The following CRPPA variants were observed in gnomAD, a reference collection of about 807,000 sequenced individuals.
The protein encoded by CRPPA is D-ribitol-5-phosphate cytidylyltransferase.
Under a neutral mutation model 52.0 loss-of-function variants are expected in CRPPA, and 43 were observed. The observed-to-expected ratio is 0.83, with a 90% CI of 0.65 to 1.07. The LOEUF is 1.07. Among genes scored for constraint, CRPPA ranks in the 50% least tolerant of loss-of-function variants. The pLI, the probability that CRPPA is intolerant of heterozygous loss-of-function variation, is 0.00. For synonymous variants in CRPPA, 250 were observed against 203.5 expected, an observed-to-expected ratio of 1.23 and a Z score of -1.94; for missense variants, 629 against 551.7, an observed-to-expected ratio of 1.14 and a Z score of -1.40.
intron 9 of CRPPA, among the ~76,000 whole-genome samples, chr7:16,156,428 T>C (rs1783183325): frequency 6.6e-6 from 1 of 152,158 alleles, no homozygotes; most frequent in African/African-American, 2.4e-5. Context: ...AAAATCTAAA[T>C]AGGCTCCTAG....
intron 5 of CRPPA, among the ~76,000 whole-genome samples, chr7:16,288,932 T>C (rs527495599): frequency 1.3e-5 from 2 of 150,238 alleles, no homozygotes; most frequent in African/African-American, 4.9e-5. Flanking sequence ...TGAAGTTTGG[T>C]TGTAAACCAC....
intron 9 of CRPPA, among the ~76,000 whole-genome samples, chr7:16,215,860 G>C (rs1265255995): frequency 1.3e-5 from 2 of 152,138 alleles, no homozygotes; most frequent in Admixed American, 6.6e-5. Flanking sequence ...TTGCTCATTA[G>C]CATTTCCCCA....
chr7:16,410,452 T>A (rs957374673), intron 1 of CRPPA, among the ~76,000 whole-genome samples: 2 of 152,194 alleles, frequency 1.3e-5, no homozygotes, highest in Non-Finnish European at 2.9e-5. Flanking sequence ...CTCTTAAATG[T>A]GGGATTTCCC....
At chr7:16,419,446 A>G (rs775054013) in intron 1 of CRPPA, among the ~76,000 whole-genome samples, 6 of 152,194 alleles carry the variant, frequency 3.9e-5, no homozygotes, top group Non-Finnish European at 7.3e-5. Flanking sequence ...CCCTTTCCCA[A>G]AAAGACCCCT....
At chr7:16,191,019 CCA>C (rs1188244360) in intron 9 of CRPPA, among the ~76,000 whole-genome samples, 2 of 151,948 alleles carry the variant, frequency 1.3e-5, no homozygotes, top group Non-Finnish European at 2.9e-5. Context: ...TTTTCTTTAC[CCA>C]CTCATTGATT....
At chr7:16,357,014 C>T (rs1012111259) in intron 3 of CRPPA, among the ~76,000 whole-genome samples, 1 of 152,100 alleles carries the variant, frequency 6.6e-6, no homozygotes, top group African/African-American at 2.4e-5. Context: ...ATTTGAACTC[C>T]AAACTGTTTC....
intron 2 of CRPPA, among the ~76,000 whole-genome samples, chr7:16,381,185 G>A (rs1214576472): frequency 6.6e-6 from 1 of 152,144 alleles, no homozygotes; most frequent in Non-Finnish European, 1.5e-5. Context: ...ATTCCGGTAT[G>A]TTGTTTCATT....
intron 8 of CRPPA, among the ~76,000 whole-genome samples, chr7:16,218,279 C>A (rs1388168066): frequency 8.6e-6 from 1 of 115,946 alleles, no homozygotes; most frequent in Non-Finnish European, 1.8e-5. Flanking sequence ...CCTACAAGAG[C>A]TCCTGAAGGA....
At chr7:16,249,845 C>T (rs1431204309) in intron 8 of CRPPA, among the ~76,000 whole-genome samples, 7 of 152,116 alleles carry the variant, frequency 4.6e-5, no homozygotes, top group East Asian at 3.9e-4. Context: ...CACAACTCCT[C>T]GCCAGCAAGG....
At chr7:16,094,176 C>T (rs1781891877) in intron 9 of CRPPA, among the ~76,000 whole-genome samples, 1 of 152,094 alleles carries the variant, frequency 6.6e-6, no homozygotes, top group Non-Finnish European at 1.5e-5. Flanking sequence ...CAATTTTTTA[C>T]AGGCTTCATT....
intron 2 of CRPPA, among the ~76,000 whole-genome samples, chr7:16,389,045 CAATT>C (rs764952354): frequency 6.6e-6 from 1 of 152,082 alleles, no homozygotes; most frequent in Non-Finnish European, 1.5e-5. Context: ...CCTAGAAAGA[CAATT>C]AACCAAAATT....
intron 9 of CRPPA, among the ~76,000 whole-genome samples, chr7:16,154,526 G>A (rs929143673): frequency 5.3e-5 from 8 of 152,162 alleles, no homozygotes; most frequent in Middle Eastern, 3.4e-3. Flanking sequence ...TATATACTCC[G>A]AGTAATAAAA....
intron 9 of CRPPA, among the ~76,000 whole-genome samples, chr7:16,095,307 A>G (rs1236893663): frequency 6.6e-6 from 1 of 152,214 alleles, no homozygotes; most frequent in Non-Finnish European, 1.5e-5. Context: ...GATTGCTGCT[A>G]TTTATATACA....
intron 5 of CRPPA, among the ~76,000 whole-genome samples, chr7:16,294,002 G>T (rs1376373536): frequency 6.6e-6 from 1 of 151,752 alleles, no homozygotes; most frequent in Non-Finnish European, 1.5e-5. Flanking sequence ...ACTATTCCAC[G>T]TGTGTCCATG....
At chr7:16,277,502 A>T (rs1294260199) in intron 6 of CRPPA, 1 of 152,232 alleles carries the variant, frequency 6.6e-6, no homozygotes, top group African/African-American at 2.4e-5. Context: ...TATTTTAATG[A>T]AAACAGAAAT....
At chr7:16,160,042 GT>G (rs1369021152) in intron 9 of CRPPA, among the ~76,000 whole-genome samples, 1 of 151,980 alleles carries the variant, frequency 6.6e-6, no homozygotes, top group East Asian at 1.9e-4. Flanking sequence ...GTAAATTTAA[GT>G]TCTTTGTAGA....
Position 16,347,664 on chromosome 7 carries a change from C to T in CRPPA, c.684+28428G>A, listed in dbSNP as rs77842220. ...CCCTTACATAAAGTCAGACATTAGT[C>T]AAGTCTCCTACCCAATAAGGCAACT... On this transcript the variant is annotated intron_variant, in intron 3 of 9. Coordinates refer to ENST00000407010, the MANE Select transcript of CRPPA (RefSeq NM_001101426.4). 6.8e-3 allele frequency among the ~76,000 whole-genome samples: 1,039 copies of T among 152,166 alleles called. 17 individuals carry two copies. Among genetic ancestry groups the T allele is most frequent in the African/African-American group, 0.024 (1,016 of 41,524 alleles).
chr7:16,186,120 C>CTTAATAATATCTACCTTTAG (rs1781500586), intron 9 of CRPPA, among the ~76,000 whole-genome samples: 1 of 152,120 alleles, frequency 6.6e-6, no homozygotes, highest in South Asian at 2.1e-4. Flanking sequence ...GTAAATTTAT[C>CTTAATAATATCTACCTTTAG]TAGGTAGATA....
intron 9 of CRPPA, among the ~76,000 whole-genome samples, chr7:16,100,187 G>T (rs1782013638): frequency 6.6e-6 from 1 of 151,866 alleles, no homozygotes; most frequent in African/African-American, 2.4e-5. Context: ...TATTATTTCT[G>T]CCCCCAGAAA....
Sources: allele counts gnomAD v4.1 joint callset (sites outside exome capture counted in the v4.1 genomes callset), GRCh38; gene constraint gnomAD v4.1.1; transcripts MANE v1.5; gene names NCBI Gene and HGNC (gene_info 2026-07-23, HGNC 2026-07-21).